INTS4: variants seen among roughly 807,000 people sequenced by gnomAD.
INTS4 encodes the protein integrator complex subunit 4.
Under a neutral mutation model 119.5 loss-of-function variants are expected in INTS4, and 70 were observed. The ratio of observed to expected loss-of-function variants is 0.59; its 90% CI spans 0.48 to 0.71. The LOEUF (loss-of-function observed/expected upper bound fraction) is 0.71. Among genes scored for constraint, INTS4 ranks in the 30% least tolerant of loss-of-function variants. The probability of loss-of-function intolerance (pLI) is 0.00; values close to 1 mark genes in which losing one functional copy is unlikely to be tolerated. For synonymous variants in INTS4, 316 were observed against 419.6 expected (o/e 0.75, Z 3.02); for missense variants, 867 against 1,173.2 (o/e 0.74, Z 3.81).
intron 4 of INTS4, among the ~76,000 whole-genome samples, chr11:77,973,090 C>T (rs12799701): frequency 0.22 from 32,820 of 152,042 alleles, 3,613 homozygotes; most frequent in African/African-American, 0.26. Context: ...GATTCTATTG[C>T]CTCAACCTCC....
At chr11:77,901,221 A>G (rs1952767743) in intron 18 of INTS4, 200 bp downstream of exon 18, 1 of 646,500 alleles carries the variant, frequency 1.5e-6, no homozygotes, top group African/African-American at 1.8e-5. Context: ...AGGGAGAGAC[A>G]CAATTGGATT....
At position 77,991,183 on chromosome 11, in the gene INTS4, G is replaced by A. The variant is rs1464283997; in HGVS notation, c.171C>T (p.Leu57=). The part of the protein sequence containing the change: ...TSPADALQYL[L]QFARKPVEAE... Reference sequence around the variant, plus strand: ...CCTCGACAGGCTTCCTGGCAAACTGGAGCAAGTATTGCAAAGCATCTGCTG... The same window carrying A: ...CCTCGACAGGCTTCCTGGCAAACTGAAGCAAGTATTGCAAAGCATCTGCTG... Residue 57 remains leucine, a synonymous_variant, in exon 2 of 23, where the codon CTC becomes CTT. Coordinates refer to ENST00000534064, the MANE Select transcript of INTS4 (RefSeq NM_033547.4). The A allele has an allele frequency of 1.9e-6, 3 of 1,614,018 alleles. No individual in the cohort carries two copies. In the African/African-American group the frequency reaches 4.0e-5, roughly 22 times the overall value.
Position 77,891,794 on chromosome 11 carries a change from T to G in INTS4, c.2335A>C (p.Lys779Gln). The G allele has an allele frequency of 6.2e-7, 1 of 1,611,986 alleles. No individual in the cohort carries two copies. Among genetic ancestry groups the G allele is most frequent in the Non-Finnish European group, 8.5e-7 (1 of 1,179,830 alleles). ...AGTCGGGGCATAAGGTCAAGGAGTT[T>G]GTCCACAAAGCTGTCCTGCAAGTGG... is the stretch of plus-strand genomic sequence containing the variant. Reference protein sequence around the residue: ...LPHLQDSFVDKLLDLMPRLMT... With the variant: ...LPHLQDSFVDQLLDLMPRLMT... The change falls in exon 20 of 23, where the codon AAA becomes CAA. Residue 779 changes from lysine to glutamine, a missense_variant. Lys to Gln is a moderately conservative substitution (Grantham distance 53). This residue lies in a region of INTS4 where 262 missense variants were observed against 376.0 expected (regional missense o/e 0.70). Transcript: ENST00000534064.
At chr11:77,957,217 G>A (rs1273475942) in intron 7 of INTS4, among the ~76,000 whole-genome samples, 1 of 152,164 alleles carries the variant, frequency 6.6e-6, no homozygotes, top group Non-Finnish European at 1.5e-5. Context: ...ACAGGGCTGA[G>A]TCACTGCAAC....
At chr11:77,890,122 G>A (rs1214629244) in intron 21 of INTS4, among the ~76,000 whole-genome samples, 1 of 152,166 alleles carries the variant, frequency 6.6e-6, no homozygotes, top group African/African-American at 2.4e-5. Flanking sequence ...AAAGTGCAGT[G>A]AAGGTGGACA....
At position 77,912,710 on chromosome 11, in the gene INTS4, C is replaced by T. The variant is rs533654849; in HGVS notation, c.1923-4900G>A. Among the ~76,000 whole-genome samples the T allele has an allele frequency of 6.6e-5, 10 of 152,220 alleles. No homozygotes were observed. In the South Asian group the frequency reaches 2.1e-3, roughly 32 times the overall value. ...AATGTTAGGAAATACAAAATAAACA[C>T]AAAGTCTTGGTGACCTCTAAAACGC... On this transcript the variant is annotated intron_variant, in intron 15 of 22. Transcript: ENST00000534064.
At chr11:77,933,970 G>T (rs1375446611) in intron 10 of INTS4, among the ~76,000 whole-genome samples, 1 of 152,152 alleles carries the variant, frequency 6.6e-6, no homozygotes, top group East Asian at 1.9e-4. Context: ...ATGTGGGGAG[G>T]GGATGGAGGG....
intron 4 of INTS4, among the ~76,000 whole-genome samples, chr11:77,974,319 T>C (rs1003275502): frequency 1.4e-5 from 2 of 143,974 alleles, no homozygotes; most frequent in African/African-American, 5.1e-5. Context: ...CTCAGCTCAC[T>C]GCAACCTCTG....
intron 10 of INTS4, among the ~76,000 whole-genome samples, chr11:77,931,134 G>C (rs1326464934): frequency 6.6e-6 from 1 of 152,176 alleles, no homozygotes; most frequent in Non-Finnish European, 1.5e-5. Context: ...CAATCAATGG[G>C]ATCAGAGGTG....
At chr11:77,951,000 T>G (rs1431196623) in intron 8 of INTS4, among the ~76,000 whole-genome samples, 2 of 151,886 alleles carry the variant, frequency 1.3e-5, no homozygotes, top group South Asian at 2.1e-4. Flanking sequence ...TGTGATAGTT[T>G]GCTGAGAATG....
chr11:77,966,420 T>C (rs1855506215), intron 4 of INTS4, among the ~76,000 whole-genome samples: 1 of 152,216 alleles, frequency 6.6e-6, no homozygotes, highest in South Asian at 2.1e-4. Flanking sequence ...TCTAGTAGTT[T>C]TACAGTTTCA....
At chr11:77,992,732 T>C (rs755032986) in intron 1 of INTS4, among the ~76,000 whole-genome samples, 3 of 152,178 alleles carry the variant, frequency 2.0e-5, no homozygotes, top group Non-Finnish European at 2.9e-5. Flanking sequence ...AATTACAACT[T>C]ACTAGCTGGG....
intron 15 of INTS4, chr11:77,918,157 C>A (rs1405164376): frequency 4.3e-6 from 3 of 699,178 alleles, no homozygotes; most frequent in Non-Finnish European, 7.8e-6. Context: ...CTAGGCCGGG[C>A]ACAGTGGCTC....
chr11:77,875,337 T>C (rs188341940), downstream of INTS4, among the ~76,000 whole-genome samples: 23 of 152,324 alleles, frequency 1.5e-4, no homozygotes, highest in East Asian at 3.9e-3. Context: ...AGTGAGGATG[T>C]AGAAGTTGCA....
chr11:77,991,088 G>A lies in INTS4; in HGVS notation c.246+20C>T. On this transcript the variant is annotated intron_variant, in intron 2 of 22. Coordinates refer to ENST00000534064, the MANE Select transcript of INTS4 (RefSeq NM_033547.4). The stretch of plus-strand genomic sequence containing the variant: ...CAACTCCCATGATATACTCCCATCA[G>A]ATCCTCAAGATTTTCTTACCTTGTA... 2 of 1,603,308 alleles carry A rather than the reference G, an allele frequency of 1.2e-6. No individual in the cohort carries two copies. Among genetic ancestry groups the A allele is most frequent in the Non-Finnish European group, 1.7e-6 (2 of 1,170,478 alleles).
intron 10 of INTS4, among the ~76,000 whole-genome samples, chr11:77,931,679 A>C (rs1241451180): frequency 6.6e-6 from 1 of 152,176 alleles, no homozygotes; most frequent in Non-Finnish European, 1.5e-5. Flanking sequence ...ATGCTACCTG[A>C]CTTCAAACTA....
intron 11 of INTS4, among the ~76,000 whole-genome samples, 193 bp from the exon 12 acceptor site, chr11:77,925,085 C>T (rs1411454872): frequency 1.3e-5 from 2 of 152,140 alleles, no homozygotes; most frequent in African/African-American, 2.4e-5. Flanking sequence ...GTAGCTTTAT[C>T]CCCTTTGTTC....
At chr11:77,966,211 G>A (rs1202995062) in intron 4 of INTS4, among the ~76,000 whole-genome samples, 1 of 152,126 alleles carries the variant, frequency 6.6e-6, no homozygotes, top group Non-Finnish European at 1.5e-5. Context: ...GCCCTTGTCA[G>A]ATATATGGTT....
chr11:77,976,956 T>C (rs1174143881), intron 4 of INTS4, among the ~76,000 whole-genome samples: 5 of 152,034 alleles, frequency 3.3e-5, no homozygotes, highest in Non-Finnish European at 7.4e-5. Flanking sequence ...GGGATAGCAT[T>C]TGGAGATATA....
Sources: gnomAD v4.1 joint callset for allele counts (sites outside exome capture counted in the v4.1 genomes callset) on GRCh38, gnomAD v4.1.1 for gene constraint, gnomAD v4.1.1 regional missense constraint, MANE v1.5 for transcripts, NCBI Gene and HGNC (gene_info 2026-07-23, HGNC 2026-07-21) for gene names.